Variants in ANKRD17 observed in about 807,000 individuals in gnomAD.
The protein encoded by ANKRD17 is ankyrin repeat domain 17.
A neutral mutation model predicts 229.7 loss-of-function variants in ANKRD17; 19 were observed. That is an observed-to-expected ratio of 0.08 (90% CI 0.06 to 0.12). The LOEUF is 0.12. Among genes scored for constraint, ANKRD17 ranks in the 10% least tolerant of loss-of-function variants. The pLI, the probability that ANKRD17 is intolerant of heterozygous loss-of-function variation, is 1.00. For missense variants in ANKRD17, 2,176 were observed against 3,176.8 expected (o/e 0.68, Z 7.57); for synonymous variants, 1,112 against 1,146.1 (o/e 0.97, Z 0.60).
chr4:73,211,487 T>C (rs946564721), intron 1 of ANKRD17, among the ~76,000 whole-genome samples: 4 of 152,262 alleles, frequency 2.6e-5, no homozygotes, highest in East Asian at 1.9e-4. Flanking sequence ...CTTTGACATA[T>C]ATAGGAGATA....
intron 15 of ANKRD17, among the ~76,000 whole-genome samples, chr4:73,136,822 C>A (rs920274862): frequency 2.6e-5 from 4 of 151,860 alleles, no homozygotes; most frequent in Non-Finnish European, 4.4e-5. Context: ...CAAAAAGTAG[C>A]TTAAACAGGA....
At chr4:73,155,594 T>TTGGTAAA in intron 5 of ANKRD17, 37 bp downstream of exon 5, 1 of 1,608,240 alleles carries the variant, frequency 6.2e-7, no homozygotes. Context: ...CAAATGATGT[T>TTGGTAAA]ACTATGTAGT....
chr4:73,098,056 T>C lies in ANKRD17; in HGVS notation c.5021+17A>G, dbSNP rs765871169. On this transcript the variant is annotated intron_variant, in intron 26 of 33. Transcript: ENST00000358602. ...ATGATGACACTATAAATATTGAAAA[T>C]AAAAATTGGAACTAACTTTATTGAA... 1.0e-4 allele frequency: 164 copies of C among 1,565,478 alleles called. 8 individuals carry two copies. In the South Asian group the frequency reaches 1.9e-3, roughly 18 times the overall value.
rs148374126 is a variant in ANKRD17 at position 73,215,196 on chromosome 4, T to G, written c.394-37663A>C. On this transcript the variant is annotated intron_variant, in intron 1 of 33. Transcript: ENST00000358602. ...AGCAAAATTAGAATTTTGGAGATCT[T>G]ATATCTGACACGTGACAGCTTCCCA... Among the ~76,000 whole-genome samples the G allele has an allele frequency of 9.8e-5, 15 of 152,290 alleles. No individual in the cohort carries two copies. The East Asian group carries it at 2.3e-3, about 23-fold the overall frequency.
Position 73,153,851 on chromosome 4 carries a change from CTTTGT to C in ANKRD17, c.1234+24_1234+28del, listed in dbSNP as rs1270717710. On this transcript the variant is annotated intron_variant, in intron 6 of 33. Transcript: ENST00000358602. The stretch of plus-strand genomic sequence containing the variant: ...AATTATAATTTCACATATTTAAAAA[CTTTGT>C]TTTAAGAAAGGTTTATACTGTACCT... 5.8e-6 allele frequency: 8 copies of C among 1,378,724 alleles called. No individual in the cohort carries two copies. In the South Asian group the frequency reaches 1.1e-4, roughly 20 times the overall value. The allele number at this position is 1,378,724 out of a possible 1,614,324, so 85.4% of individuals were successfully genotyped here. A position where few individuals can be genotyped will look rare whatever the true frequency, so the allele number is the denominator to read the frequency against.
intron 1 of ANKRD17, among the ~76,000 whole-genome samples, chr4:73,206,489 A>G (rs1739472943): frequency 1.3e-5 from 2 of 152,018 alleles, no homozygotes. Flanking sequence ...GGAGGGAGGG[A>G]AAGATAGAAA....
chr4:73,100,979 AAAAC>A, intron 25 of ANKRD17: 1 of 984,376 alleles, frequency 1.0e-6, no homozygotes, highest in African/African-American at 1.7e-5. Context: ...AACAAAACAA[AAAAC>A]AAATACGAAT....
intron 1 of ANKRD17, among the ~76,000 whole-genome samples, chr4:73,236,555 G>A (rs1034767070): frequency 6.6e-6 from 1 of 152,028 alleles, no homozygotes; most frequent in African/African-American, 2.4e-5. Context: ...AATGTTGTAT[G>A]ATGTATTTAA....
At chr4:73,228,591 A>G (rs1188611406) in intron 1 of ANKRD17, among the ~76,000 whole-genome samples, 4 of 152,198 alleles carry the variant, frequency 2.6e-5, no homozygotes, top group African/African-American at 9.6e-5. Flanking sequence ...TCTTAGGGTA[A>G]CATTATTTTT....
chr4:73,097,589 C>T (rs1723461532), intron 26 of ANKRD17, among the ~76,000 whole-genome samples: 2 of 151,816 alleles, frequency 1.3e-5, no homozygotes, highest in African/African-American at 4.8e-5. Context: ...TGCATGCCAT[C>T]ACATTGGCTA....
intron 1 of ANKRD17, among the ~76,000 whole-genome samples, chr4:73,179,404 T>TTA (rs1048918194): frequency 5.5e-5 from 8 of 144,302 alleles, no homozygotes; most frequent in East Asian, 4.0e-4. Flanking sequence ...ATATTTTAAA[T>TTA]TATATATATA....
intron 1 of ANKRD17, among the ~76,000 whole-genome samples, chr4:73,206,974 C>T (rs1337727789): frequency 6.6e-6 from 1 of 152,090 alleles, no homozygotes; most frequent in Non-Finnish European, 1.5e-5. Flanking sequence ...CAGGAGCCTG[C>T]CACCAAGCCT....
chr4:73,257,270 T>C (rs1476978865), intron 1 of ANKRD17, among the ~76,000 whole-genome samples: 1 of 152,208 alleles, frequency 6.6e-6, no homozygotes, highest in Non-Finnish European at 1.5e-5. Context: ...TAACTCTCAG[T>C]TGGTTGTCAG....
chr4:73,123,697 G>T (rs1308149166), intron 18 of ANKRD17, among the ~76,000 whole-genome samples: 1 of 151,592 alleles, frequency 6.6e-6, no homozygotes, highest in African/African-American at 2.4e-5. Flanking sequence ...CTTTTGTATA[G>T]GAATTATTAT....
intron 16 of ANKRD17, among the ~76,000 whole-genome samples, chr4:73,133,389 G>GTTT (rs1232065955): frequency 1.4e-4 from 17 of 123,172 alleles, no homozygotes; most frequent in East Asian, 4.8e-4. Context: ...AATGTCTCGT[G>GTTT]TTTTTTTTTT....
At chr4:73,093,447 G>A (rs142771205) in intron 28 of ANKRD17, among the ~76,000 whole-genome samples, 1,631 of 136,904 alleles carry the variant, frequency 0.012, 30 homozygotes, top group African/African-American at 0.043. Context: ...GCTCGATCTC[G>A]GCTCACCGCA....
chr4:73,209,814 C>G (rs1260592077), intron 1 of ANKRD17, among the ~76,000 whole-genome samples: 1 of 152,074 alleles, frequency 6.6e-6, no homozygotes, highest in Non-Finnish European at 1.5e-5. Flanking sequence ...TAATATAATT[C>G]ATACAATAAC....
At chr4:73,194,937 ATTAGAATTGGTGCGTTTTTAAAAT>A (rs1387037357) in intron 1 of ANKRD17, among the ~76,000 whole-genome samples, 1 of 152,128 alleles carries the variant, frequency 6.6e-6, no homozygotes, top group Non-Finnish European at 1.5e-5. Flanking sequence ...TTTTGGTGCA[ATTAGAATTGGTGCGTTTTTAAAAT>A]TTCATTTTCC....
At chr4:73,212,814 G>A (rs1458383098) in intron 1 of ANKRD17, among the ~76,000 whole-genome samples, 2 of 150,974 alleles carry the variant, frequency 1.3e-5, no homozygotes, top group Non-Finnish European at 2.9e-5. Flanking sequence ...TCAGGAGTTC[G>A]AGACCAGCCT....
Sources: gnomAD v4.1 joint callset for allele counts (sites outside exome capture counted in the v4.1 genomes callset) on GRCh38, gnomAD v4.1.1 for gene constraint, MANE v1.5 for transcripts, NCBI Gene and HGNC (gene_info 2026-07-23, HGNC 2026-07-21) for gene names.